The following CDH10 variants were observed in gnomAD, a reference collection of about 807,000 sequenced individuals.
CDH10 encodes the protein cadherin-10.
In CDH10, 30 loss-of-function variants were observed where a neutral mutation model predicts 73.1. The observed-to-expected ratio is 0.41, with a 90% CI of 0.31 to 0.56. The LOEUF is 0.56. Ranked by LOEUF, CDH10 falls within the 20% of genes least tolerant of loss-of-function variation. The probability of loss-of-function intolerance (pLI) is 0.27; values close to 1 mark genes in which losing one functional copy is unlikely to be tolerated. For synonymous variants in CDH10, 345 were observed against 348.2 expected (o/e 0.99, Z 0.10); for missense variants, 815 against 973.7 (o/e 0.84, Z 2.17).
intron 1 of CDH10, among the ~76,000 whole-genome samples, chr5:24,625,937 C>T (rs955439522): frequency 2.0e-5 from 3 of 151,860 alleles, no homozygotes; most frequent in Non-Finnish European, 4.4e-5. Context: ...TTATCTTGGG[C>T]TCTTACATTG....
chr5:24,622,174 C>A (rs752976152), intron 1 of CDH10, among the ~76,000 whole-genome samples: 2 of 152,164 alleles, frequency 1.3e-5, no homozygotes, highest in Admixed American at 6.6e-5. Context: ...TCAGTTAGAA[C>A]GAAGACTTCA....
At chr5:24,599,666 A>G (rs572009338) in intron 1 of CDH10, among the ~76,000 whole-genome samples, 1 of 152,240 alleles carries the variant, frequency 6.6e-6, no homozygotes, top group African/African-American at 2.4e-5. Flanking sequence ...GTGAAAAGCA[A>G]TCAAAAGTAT....
chr5:24,510,502 A>G (rs73067122), intron 6 of CDH10, among the ~76,000 whole-genome samples: 5,781 of 152,284 alleles, frequency 0.038, 335 homozygotes, highest in African/African-American at 0.13. Flanking sequence ...AAATGATATT[A>G]TTAGTTCAGA....
At chr5:24,542,777 C>A (rs1395023) in intron 2 of CDH10, among the ~76,000 whole-genome samples, 1 of 151,936 alleles carries the variant, frequency 6.6e-6, no homozygotes, top group Admixed American at 6.6e-5. Context: ...ATAGATGATA[C>A]CTTCTGGCTG....
intron 7 of CDH10, among the ~76,000 whole-genome samples, chr5:24,505,942 C>T (rs1003570439): frequency 3.3e-5 from 5 of 151,868 alleles, no homozygotes; most frequent in South Asian, 2.1e-4. Flanking sequence ...GGTGAAATTC[C>T]GTCTCTATTA....
chr5:24,607,636 G>A (rs1746804512), intron 1 of CDH10, among the ~76,000 whole-genome samples: 1 of 152,046 alleles, frequency 6.6e-6, no homozygotes, highest in African/African-American at 2.4e-5. Context: ...TATTGTCTAG[G>A]GATGTCCGTT....
intron 2 of CDH10, among the ~76,000 whole-genome samples, chr5:24,591,560 CTTAA>C (rs1055859583): frequency 2.2e-4 from 33 of 151,996 alleles, no homozygotes; most frequent in African/African-American, 7.0e-4. Context: ...AGTTTACCAA[CTTAA>C]TTGTCTTCAG....
At chr5:24,639,646 C>T (rs1747980859) in intron 1 of CDH10, among the ~76,000 whole-genome samples, 3 of 151,694 alleles carry the variant, frequency 2.0e-5, no homozygotes, top group South Asian at 4.1e-4. Flanking sequence ...ACAACATTTG[C>T]TCATTATATA....
chr5:24,541,980 T>C (rs182410972), intron 2 of CDH10, among the ~76,000 whole-genome samples: 1 of 152,254 alleles, frequency 6.6e-6, no homozygotes, highest in Admixed American at 6.6e-5. Context: ...TTTGTTTATA[T>C]TGAGTAATTT....
intron 1 of CDH10, among the ~76,000 whole-genome samples, chr5:24,636,153 GT>G (rs1747860428): frequency 6.6e-6 from 1 of 151,838 alleles, no homozygotes; most frequent in Non-Finnish European, 1.5e-5. Flanking sequence ...ATTAGGCATT[GT>G]TGTTAGACAC....
intron 9 of CDH10, among the ~76,000 whole-genome samples, chr5:24,496,330 C>T (rs1480142600): frequency 6.6e-6 from 1 of 152,038 alleles, no homozygotes; most frequent in Non-Finnish European, 1.5e-5. Context: ...CAGGAGTAGG[C>T]ATGAATGAGA....
intron 1 of CDH10, among the ~76,000 whole-genome samples, chr5:24,611,276 C>G (rs1190829532): frequency 6.6e-6 from 1 of 152,140 alleles, no homozygotes; most frequent in African/African-American, 2.4e-5. Flanking sequence ...TAGCTTGTAA[C>G]TGGTTAAACC....
intron 1 of CDH10, among the ~76,000 whole-genome samples, chr5:24,634,019 A>G (rs1364460629): frequency 1.3e-5 from 2 of 151,878 alleles, no homozygotes; most frequent in Non-Finnish European, 2.9e-5. Flanking sequence ...ATGGGTCAAT[A>G]CTTCAAAAAC....
intron 8 of CDH10, among the ~76,000 whole-genome samples, chr5:24,504,580 C>T (rs1742628009): frequency 7.6e-6 from 1 of 130,774 alleles, no homozygotes; most frequent in South Asian, 2.6e-4. Flanking sequence ...GGCTGGAGTG[C>T]AGTGGCGCGA....
At chr5:24,539,048 A>G (rs998951403) in intron 2 of CDH10, among the ~76,000 whole-genome samples, 1 of 152,068 alleles carries the variant, frequency 6.6e-6, no homozygotes, top group Non-Finnish European at 1.5e-5. Context: ...TAATTTCTAC[A>G]AAAATATTTA....
chr5:24,605,678 T>C (rs1246658278), intron 1 of CDH10, among the ~76,000 whole-genome samples: 3 of 152,242 alleles, frequency 2.0e-5, no homozygotes, highest in Non-Finnish European at 4.4e-5. Context: ...ATGTTACATA[T>C]GTACTAATCA....
chr5:24,622,884 A>C (rs1238217861), intron 1 of CDH10, among the ~76,000 whole-genome samples: 2 of 152,238 alleles, frequency 1.3e-5, no homozygotes, highest in African/African-American at 4.8e-5. Flanking sequence ...ATTTTTAAAA[A>C]GTTAGAAATT....
In CDH10 at chr5:24,504,506, C is replaced by CTTTTTTTTT. The variant is rs70965605; in HGVS notation, c.1393+597_1393+605dup. ...TATTAAATGCTTTTCTCCTATTAAT[C>CTTTTTTTTT]TTTTTTTTTTTTTTTTTTTTTTTTT... On this transcript the variant is annotated intron_variant, in intron 8 of 11. Coordinates refer to ENST00000264463, the MANE Select transcript of CDH10 (RefSeq NM_006727.5). 1.8e-4 allele frequency among the ~76,000 whole-genome samples: 12 copies of CTTTTTTTTT among 65,164 alleles called. 2 individuals carry two copies. The highest frequency in any genetic ancestry group is 3.2e-4 in the Non-Finnish European group (11 of 33,966). 42.8% of individuals were successfully genotyped at this position (65,164 alleles called of 152,430 possible). A position where few individuals can be genotyped will look rare whatever the true frequency, so the allele number is the denominator to read the frequency against.
chr5:24,498,303 C>A, intron 9 of CDH10, 95 bp downstream of exon 9: 2 of 715,230 alleles, frequency 2.8e-6, no homozygotes, highest in South Asian at 2.1e-5. Context: ...TGAGTATTTC[C>A]ATCTCTGTGT....
Sources: gnomAD v4.1 joint callset for allele counts (sites outside exome capture counted in the v4.1 genomes callset) on GRCh38, gnomAD v4.1.1 for gene constraint, MANE v1.5 for transcripts, NCBI Gene and HGNC (gene_info 2026-07-23, HGNC 2026-07-21) for gene names.